The following NELL1 variants were observed in gnomAD, a reference collection of about 807,000 sequenced individuals.
The protein encoded by NELL1 is neural EGFL like 1.
In NELL1, 76 loss-of-function variants were observed where a neutral mutation model predicts 107.4. That is an observed-to-expected ratio of 0.71 (90% CI 0.59 to 0.86). NELL1 has a LOEUF of 0.86. NELL1 is among the 40% of genes least tolerant of loss of function. NELL1 has a pLI of 0.00. For missense variants in NELL1, 1,024 were observed against 1,005.5 expected (o/e 1.02, Z -0.25); for synonymous variants, 353 against 341.2 (o/e 1.03, Z -0.38).
At chr11:20,960,279 A>G (rs1851263532) in intron 11 of NELL1, among the ~76,000 whole-genome samples, 153 bp from the exon 12 acceptor site, 1 of 152,160 alleles carries the variant, frequency 6.6e-6, no homozygotes, top group African/African-American at 2.4e-5. Flanking sequence ...TCCTATATCT[A>G]TTCTGCCACT....
intron 15 of NELL1, chr11:21,384,021 GCAC>G (rs1213088779): frequency 6.6e-6 from 1 of 151,848 alleles, no homozygotes; most frequent in East Asian, 1.9e-4. Context: ...ATTTTGCACT[GCAC>G]ATTCAAATTC....
intron 2 of NELL1, among the ~76,000 whole-genome samples, chr11:20,749,280 T>G (rs79674970): frequency 3.3e-5 from 5 of 152,044 alleles, no homozygotes; most frequent in Admixed American, 2.6e-4. Flanking sequence ...AAAAGTTCAA[T>G]GTTTTCATAT....
At chr11:21,332,776 AT>A (rs1243764618) in intron 14 of NELL1, among the ~76,000 whole-genome samples, 5 of 151,868 alleles carry the variant, frequency 3.3e-5, no homozygotes, top group Non-Finnish European at 7.4e-5. Flanking sequence ...CCATATTTTA[AT>A]TTTTATATAA....
chr11:21,310,292 C>G (rs938099936), intron 14 of NELL1, among the ~76,000 whole-genome samples: 13 of 152,032 alleles, frequency 8.6e-5, no homozygotes, highest in Non-Finnish European at 1.8e-4. Context: ...TTGACTATCA[C>G]TGTGATTAAT....
At chr11:21,092,267 G>A (rs916718751) in intron 12 of NELL1, among the ~76,000 whole-genome samples, 4 of 152,094 alleles carry the variant, frequency 2.6e-5, no homozygotes, top group Admixed American at 1.3e-4. Flanking sequence ...AGTGTCTATA[G>A]GGACAATAGC....
At chr11:20,703,863 G>T (rs1854865526) in intron 2 of NELL1, among the ~76,000 whole-genome samples, 1 of 152,334 alleles carries the variant, frequency 6.6e-6, no homozygotes, top group South Asian at 2.1e-4. Context: ...ACTGTGGTCT[G>T]AGAGACAGTG....
chr11:21,354,893 G>A (rs10500904), intron 14 of NELL1, among the ~76,000 whole-genome samples: 9,972 of 152,176 alleles, frequency 0.066, 461 homozygotes, highest in South Asian at 0.12. Context: ...TAATATAAGC[G>A]TTGGCTCTGA....
At chr11:21,419,851 C>A (rs1423896747) in intron 15 of NELL1, among the ~76,000 whole-genome samples, 1 of 152,098 alleles carries the variant, frequency 6.6e-6, no homozygotes, top group Non-Finnish European at 1.5e-5. Context: ...CATATCATGT[C>A]TTTTATTCCT....
chr11:21,346,971 C>A (rs999130467), intron 14 of NELL1, among the ~76,000 whole-genome samples: 1 of 152,074 alleles, frequency 6.6e-6, no homozygotes, highest in South Asian at 2.1e-4. Context: ...AGATTATATG[C>A]CTGATCCATA....
At chr11:21,473,559 T>G (rs1193866491) in intron 15 of NELL1, among the ~76,000 whole-genome samples, 2 of 152,100 alleles carry the variant, frequency 1.3e-5, no homozygotes, top group East Asian at 3.8e-4. Context: ...CACCTGTTTT[T>G]GTTTGAGGGA....
At chr11:21,514,478 G>T (rs1453584872) in intron 15 of NELL1, among the ~76,000 whole-genome samples, 1 of 152,184 alleles carries the variant, frequency 6.6e-6, no homozygotes, top group African/African-American at 2.4e-5. Flanking sequence ...GGACTGCTCT[G>T]CAGCGGAGAG....
intron 16 of NELL1, among the ~76,000 whole-genome samples, chr11:21,550,497 C>T (rs1041882230): frequency 3.3e-5 from 5 of 151,866 alleles, no homozygotes; most frequent in African/African-American, 9.7e-5. Flanking sequence ...GTCTTTAATC[C>T]ATCTTGAATT....
chr11:21,179,862 C>CTTTTTTTTTTTT (rs1164420669), intron 13 of NELL1, among the ~76,000 whole-genome samples: 5 of 75,702 alleles, frequency 6.6e-5, no homozygotes, highest in African/African-American at 2.3e-4. Context: ...AATCAACACA[C>CTTTTTTTTTTTT]TTTTTTTTTT....
intron 3 of NELL1, among the ~76,000 whole-genome samples, chr11:20,842,238 A>G (rs1030019882): frequency 1.3e-5 from 2 of 151,990 alleles, no homozygotes; most frequent in African/African-American, 2.4e-5. Flanking sequence ...TTAACCAGGC[A>G]TGGTGGTGGG....
intron 5 of NELL1, among the ~76,000 whole-genome samples, chr11:20,907,875 T>C (rs1850038593): frequency 6.6e-6 from 1 of 151,960 alleles, no homozygotes; most frequent in Non-Finnish European, 1.5e-5. Context: ...AAAAACTTCA[T>C]CACAAAGTGG....
chr11:20,927,298 T>C lies in NELL1; in HGVS notation c.760-10T>C. The C allele has an allele frequency of 6.2e-7, 1 of 1,600,094 alleles. No homozygotes were observed. Among genetic ancestry groups the C allele is most frequent in the Non-Finnish European group, 8.5e-7 (1 of 1,176,706 alleles). On this transcript the variant is annotated splice_polypyrimidine_tract_variant and intron_variant, in intron 7 of 19. Coordinates refer to ENST00000357134, the MANE Select transcript of NELL1 (RefSeq NM_006157.5). ...TTACAGAAATTACATTCAGTAACTC[T>C]TGTTTGCAGCTAAATTATGCAGAGA...
chr11:21,154,467 A>G (rs949669919), intron 13 of NELL1, among the ~76,000 whole-genome samples: 3 of 152,194 alleles, frequency 2.0e-5, no homozygotes, highest in Non-Finnish European at 4.4e-5. Context: ...ATTGATTATT[A>G]TCTGCCAGAC....
intron 3 of NELL1, among the ~76,000 whole-genome samples, chr11:20,784,310 G>A (rs1418520449): frequency 6.6e-6 from 1 of 152,176 alleles, no homozygotes; most frequent in Non-Finnish European, 1.5e-5. Context: ...GGAAATAAAG[G>A]TAAGAGCAGT....
chr11:21,384,553 G>A (rs189363136), intron 15 of NELL1, among the ~76,000 whole-genome samples: 113 of 151,782 alleles, frequency 7.4e-4, no homozygotes, highest in African/African-American at 2.4e-3. Context: ...CCACTAACTC[G>A]TCATCTAGCA....
Sources: allele counts gnomAD v4.1 joint callset (sites outside exome capture counted in the v4.1 genomes callset), GRCh38; gene constraint gnomAD v4.1.1; transcripts MANE v1.5; gene names NCBI Gene and HGNC (gene_info 2026-07-23, HGNC 2026-07-21).